The following IL18BP variants were observed in gnomAD, a reference collection of about 807,000 sequenced individuals.
IL18BP encodes the protein interleukin 18 binding protein, also known as interleukin-18-binding protein.
In IL18BP, 23 loss-of-function variants were observed where a neutral mutation model predicts 19.9. The ratio of observed to expected loss-of-function variants is 1.15; its 90% CI spans 0.83 to 1.64. IL18BP has a LOEUF of 1.64. IL18BP is among the 40% of genes most tolerant of loss of function. The pLI is 0.00. For synonymous variants in IL18BP, 107 were observed against 101.0 expected, an observed-to-expected ratio of 1.06 and a Z score of -0.35; for missense variants, 239 against 240.7, an observed-to-expected ratio of 0.99 and a Z score of 0.05.
chr11:72,003,840 C>T, downstream of IL18BP: 1 of 1,590,050 alleles, frequency 6.3e-7, no homozygotes, highest in Non-Finnish European at 8.6e-7. Flanking sequence ...TGGGGGGTGC[C>T]CATGCTCTCA....
chr11:72,000,481 C>A lies in IL18BP; in HGVS notation c.159C>A (p.Ser53=). Residue 53 remains serine, a synonymous_variant, in exon 3 of 6, where the codon TCC becomes TCA. Transcript: ENST00000393703. The part of the protein sequence containing the change: ...SVRSTKDPCP[S]QPPVFPAAKQ... ...GAAGCACAAAGGACCCCTGCCCCTC[C>A]CAGCCCCCAGTGTTCCCAGCAGCTA... 1 of 1,614,038 alleles carries A rather than the reference C, an allele frequency of 6.2e-7. No individual in the cohort carries two copies. Among genetic ancestry groups the A allele is most frequent in the Non-Finnish European group, 8.5e-7 (1 of 1,180,010 alleles).
downstream of IL18BP, chr11:72,006,214 G>A (rs144484956): frequency 2.5e-5 from 40 of 1,614,160 alleles, no homozygotes; most frequent in East Asian, 8.9e-5. Context: ...AGCAGACCGC[G>A]TGCTGTAGAA....
chr11:72,005,401 G>A, downstream of IL18BP: 1 of 1,595,382 alleles, frequency 6.3e-7, no homozygotes, highest in Non-Finnish European at 8.5e-7. Flanking sequence ...GAACAAATGA[G>A]CCTGGAGTCG....
chr11:72,007,240 G>T (rs374713743), downstream of IL18BP: 3 of 1,613,124 alleles, frequency 1.9e-6, no homozygotes, highest in African/African-American at 1.3e-5. Flanking sequence ...GAGCGGAGCG[G>T]GTCTTACGAC....
chr11:72,007,307 C>G (rs763881204), downstream of IL18BP: 1 of 1,613,378 alleles, frequency 6.2e-7, no homozygotes, highest in South Asian at 1.1e-5. Flanking sequence ...GGGGGCCTGA[C>G]TCCGAGCAGG....
In IL18BP at chr11:72,001,266, C is replaced by T; in HGVS notation, c.301C>T (p.Leu101=). ...RFPNFSILYW[L]GNGSFIEHLP... is the part of the protein sequence containing the mutation. ...CCCCAACTTCAGCATCCTCTACTGGCTGGGCAATGGTTCCTTCATTGAGCA... is the reference window on the plus strand; with the variant it reads ...CCCCAACTTCAGCATCCTCTACTGGTTGGGCAATGGTTCCTTCATTGAGCA... The change falls in exon 4 of 6, where the codon CTG becomes TTG. Residue 101 remains leucine (L), a synonymous_variant. Transcript: ENST00000393703. 6.2e-7 allele frequency: 1 copy of T among 1,614,214 alleles called. No homozygotes were observed. The highest frequency in any genetic ancestry group is 8.5e-7 in the Non-Finnish European group (1 of 1,180,038).
downstream of IL18BP, chr11:72,007,126 C>T: frequency 6.3e-7 from 1 of 1,585,006 alleles, no homozygotes; most frequent in Non-Finnish European, 8.5e-7. Flanking sequence ...GTGCCCAGTG[C>T]AAAGATGCCC....
At chr11:72,004,791 G>A, downstream of IL18BP, 2 of 1,588,418 alleles carry the variant, frequency 1.3e-6, no homozygotes, top group Non-Finnish European at 1.7e-6. Context: ...CTCCTCATCT[G>A]TGATGGTGCC....
chr11:72,000,087 C>T (rs1450390365), intron 2 of IL18BP, 75 bp downstream of exon 2: 19 of 1,529,502 alleles, frequency 1.2e-5, no homozygotes, highest in Admixed American at 1.7e-5. Flanking sequence ...TGGGCTAACC[C>T]GGAGCCTTCA....
At chr11:72,006,822 G>A (rs1955750454), downstream of IL18BP, among the ~76,000 whole-genome samples, 1 of 152,198 alleles carries the variant, frequency 6.6e-6, no homozygotes, top group Non-Finnish European at 1.5e-5. Context: ...AAAGGCAAGG[G>A]CCTGTAGCCT....
At chr11:72,003,985 T>C (rs750894124), downstream of IL18BP, 2 of 1,610,760 alleles carry the variant, frequency 1.2e-6, no homozygotes, top group African/African-American at 2.7e-5. Context: ...CCACTGCGAG[T>C]GTTGGGGGAA....
At position 72,001,875 on chromosome 11, in the gene IL18BP, G is replaced by A. The variant is rs774825473; in HGVS notation, c.*14G>A. ...CAGCAGGGTTAAGACTCAGCACAGG[G>A]CCAGCAGCAGCACAACCTTGACCAG... On this transcript the variant is annotated 3_prime_UTR_variant, in exon 6 of 6. Coordinates refer to ENST00000393703, the MANE Select transcript of IL18BP (RefSeq NM_001039660.2). 1 of 1,614,096 alleles carries A rather than the reference G, an allele frequency of 6.2e-7. No homozygotes were observed. The highest frequency in any genetic ancestry group is 1.1e-5 in the South Asian group (1 of 91,076).
downstream of IL18BP, among the ~76,000 whole-genome samples, chr11:72,006,961 G>C (rs1161986415): frequency 2.0e-5 from 3 of 152,238 alleles, no homozygotes; most frequent in Non-Finnish European, 4.4e-5. Context: ...TACGCATGGA[G>C]AGAATGCTAG....
downstream of IL18BP, chr11:72,003,853 G>C (rs566967734): frequency 2.0e-5 from 32 of 1,606,482 alleles, no homozygotes; most frequent in Admixed American, 5.4e-4. Context: ...TGCTCTCATC[G>C]GGTTTCCCTC....
downstream of IL18BP, chr11:72,007,782 A>C (rs1955847204): frequency 5.3e-6 from 2 of 374,848 alleles, no homozygotes; most frequent in Admixed American, 4.3e-5. Flanking sequence ...AACGCCCCCC[A>C]CTCAGGCCCC....
chr11:72,007,630 C>T, downstream of IL18BP: 1 of 666,154 alleles, frequency 1.5e-6, no homozygotes, highest in Non-Finnish European at 2.6e-6. Flanking sequence ...CTGGCTTCTC[C>T]TAATAGCTCC....
chr11:72,007,136 C>G, downstream of IL18BP: 1 of 1,593,102 alleles, frequency 6.3e-7, no homozygotes, highest in Non-Finnish European at 8.5e-7. Context: ...CAAAGATGCC[C>G]TTGAGAGGAA....
At position 72,000,383 on chromosome 11, in the gene IL18BP, G is replaced by T; in HGVS notation, c.61G>T (p.Ala21Ser). 1 of 1,613,936 alleles carries T rather than the reference G, an allele frequency of 6.2e-7. No individual in the cohort carries two copies. The highest frequency in any genetic ancestry group is 1.3e-5 in the African/African-American group (1 of 75,028). Residue 21 changes from alanine to serine, a missense_variant, in exon 3 of 6, where the codon GCC (alanine) becomes TCC (serine). Physicochemically the swap from Ala to Ser is moderately conservative, Grantham distance 99. Transcript: ENST00000393703. The part of the protein sequence containing the change: ...LSPLWVLLLC[A>S]HVVTLLVRAT... Reference sequence around the variant, plus strand: ...CCCTTTGTGGGTCCTGCTCCTGTGTGCCCACGTCGTCACTCTCCTGGTCAG... The same window carrying T: ...CCCTTTGTGGGTCCTGCTCCTGTGTTCCCACGTCGTCACTCTCCTGGTCAG...
chr11:72,003,690 G>C, downstream of IL18BP: 1 of 1,051,424 alleles, frequency 9.5e-7, no homozygotes, highest in Admixed American at 2.0e-5. Flanking sequence ...TGCCTGAGCA[G>C]CTCTGGGTGC....
Sources: allele counts gnomAD v4.1 joint callset (sites outside exome capture counted in the v4.1 genomes callset), GRCh38; gene constraint gnomAD v4.1.1; transcripts MANE v1.5; gene names NCBI Gene and HGNC (gene_info 2026-07-23, HGNC 2026-07-21).